SAMD4A: variants seen among roughly 807,000 people sequenced by gnomAD.
The protein encoded by SAMD4A is sterile alpha motif domain containing 4A.
Under a neutral mutation model 81.3 loss-of-function variants are expected in SAMD4A, and 33 were observed. The observed-to-expected ratio is 0.41, with a 90% CI of 0.31 to 0.54. The LOEUF (loss-of-function observed/expected upper bound fraction) is 0.54. Among genes scored for constraint, SAMD4A ranks in the 20% least tolerant of loss-of-function variants. The pLI is 0.37. For missense variants in SAMD4A, 854 were observed against 951.1 expected (o/e 0.90, Z 1.34); for synonymous variants, 389 against 382.1 (o/e 1.02, Z -0.21).
In SAMD4A at chr14:54,719,373, C is replaced by T. The variant is rs185743225; in HGVS notation, c.715+16793C>T. Among the ~76,000 whole-genome samples, 60 of 152,286 alleles carry T rather than the reference C, an allele frequency of 3.9e-4. No individual in the cohort carries two copies. In the East Asian group the frequency reaches 9.9e-3, roughly 25 times the overall value. On this transcript the variant is annotated intron_variant, in intron 3 of 12. Coordinates refer to ENST00000554335, the MANE Select transcript of SAMD4A (RefSeq NM_015589.6). ...CTTCCTTTGGTGCTGGAGAAGTTTG[C>T]TTTTCTTCAAGTCCTATCATTCAAA...
chr14:54,762,176 G>A (rs1380125610), intron 7 of SAMD4A, among the ~76,000 whole-genome samples: 1 of 152,084 alleles, frequency 6.6e-6, no homozygotes, highest in African/African-American at 2.4e-5. Context: ...CCTTTTCTGG[G>A]GCAGACCCTT....
intron 2 of SAMD4A, chr14:54,687,389 T>C (rs1158748912): frequency 2.2e-6 from 1 of 456,390 alleles, no homozygotes; most frequent in Non-Finnish European, 4.4e-6. Context: ...CCTTGAAGAA[T>C]CAAAGTTGGC....
chr14:54,720,552 C>T (rs2037234853), intron 3 of SAMD4A, among the ~76,000 whole-genome samples: 1 of 152,032 alleles, frequency 6.6e-6, no homozygotes, highest in African/African-American at 2.4e-5. Context: ...ATTAAAGAAA[C>T]CCATTACCAG....
intron 2 of SAMD4A, among the ~76,000 whole-genome samples, chr14:54,615,518 A>G (rs952973761): frequency 1.3e-5 from 2 of 152,230 alleles, no homozygotes; most frequent in Non-Finnish European, 2.9e-5. Flanking sequence ...CACTGTAAGT[A>G]CTATGTTTCA....
intron 2 of SAMD4A, among the ~76,000 whole-genome samples, chr14:54,573,342 GA>G: frequency 6.6e-6 from 1 of 152,286 alleles, no homozygotes; most frequent in Admixed American, 6.5e-5. Flanking sequence ...CAGTCAAATT[GA>G]CTTGTTTTTG....
At position 54,672,020 on chromosome 14, in the gene SAMD4A, G is replaced by GT. The variant is rs56900347; in HGVS notation, c.197-30023dup. Among the ~76,000 whole-genome samples, 489 of 125,034 alleles carry GT rather than the reference G, an allele frequency of 3.9e-3. 5 individuals carry two copies. Among genetic ancestry groups the GT allele is most frequent in the East Asian group, 9.2e-3 (40 of 4,342 alleles). 82.0% of individuals were successfully genotyped at this position (125,034 alleles called of 152,430 possible). ...TACTGCTTCCTTTTCTGTTTATAGTGTTTTTTTTTTTTTTTTTTTCTTCAG... is the reference window on the plus strand; with the variant it reads ...TACTGCTTCCTTTTCTGTTTATAGTGTTTTTTTTTTTTTTTTTTTTCTTCAG... On this transcript the variant is annotated intron_variant, in intron 2 of 12. Transcript: ENST00000554335.
At chr14:54,590,053 T>C (rs1353652340) in intron 2 of SAMD4A, among the ~76,000 whole-genome samples, 1 of 152,262 alleles carries the variant, frequency 6.6e-6, no homozygotes, top group East Asian at 1.9e-4. Context: ...GACTGCTTTT[T>C]CTCTAGCATA....
At chr14:54,726,756 G>A (rs1434125001) in intron 3 of SAMD4A, among the ~76,000 whole-genome samples, 1 of 152,072 alleles carries the variant, frequency 6.6e-6, no homozygotes, top group Non-Finnish European at 1.5e-5. Context: ...ATGGGACCTG[G>A]GCATCGGGGT....
At position 54,760,248 on chromosome 14, in the gene SAMD4A, A is replaced by G. The variant is rs1353330544; in HGVS notation, c.1264A>G (p.Ser422Gly). 5.0e-6 allele frequency: 8 copies of G among 1,613,020 alleles called. No homozygotes were observed. In the South Asian group the frequency reaches 7.7e-5, roughly 16 times the overall value. Residue 422 changes from serine (S) to glycine (G), a missense_variant, in exon 7 of 13, where the codon AGC becomes GGC. By Grantham distance (56) the Ser-to-Gly change is moderately conservative. This residue lies in a region of SAMD4A where 428 missense variants were observed against 471.2 expected (regional missense o/e 0.91). Coordinates refer to ENST00000554335, the MANE Select transcript of SAMD4A (RefSeq NM_015589.6). ...TCCGATCAAGGCCTACAGCTCCCCGAGCACCACCCCCGAGGCTCGCCGCCG... is the reference window on the plus strand; with the variant it reads ...TCCGATCAAGGCCTACAGCTCCCCGGGCACCACCCCCGAGGCTCGCCGCCG... ...LTPIKAYSSP[S>G]TTPEARRREP...
At chr14:54,706,553 C>T (rs1230931350) in intron 3 of SAMD4A, among the ~76,000 whole-genome samples, 4 of 143,190 alleles carry the variant, frequency 2.8e-5, no homozygotes, top group Admixed American at 1.4e-4. Flanking sequence ...TGTAGTGAGC[C>T]GAGGTGGTGC....
intron 9 of SAMD4A, among the ~76,000 whole-genome samples, chr14:54,772,064 AT>A (rs1390524067): frequency 6.6e-6 from 1 of 152,244 alleles, no homozygotes; most frequent in East Asian, 1.9e-4. Context: ...TTTTATACTC[AT>A]AAGTATTTCC....
chr14:54,750,157 C>T (rs905717749), intron 5 of SAMD4A, among the ~76,000 whole-genome samples: 3 of 152,048 alleles, frequency 2.0e-5, no homozygotes, highest in Admixed American at 6.6e-5. Context: ...ATCAGTTGTT[C>T]GACTTGAGGA....
intron 9 of SAMD4A, 76 bp from the exon 10 acceptor site, chr14:54,774,858 T>C: frequency 9.3e-7 from 1 of 1,070,128 alleles, no homozygotes; most frequent in Non-Finnish European, 1.4e-6. Context: ...CAAGGCGACA[T>C]CCCTTGGGAA....
At chr14:54,740,092 C>G (rs2037808196) in intron 4 of SAMD4A, among the ~76,000 whole-genome samples, 2 of 152,190 alleles carry the variant, frequency 1.3e-5, no homozygotes, top group South Asian at 4.1e-4. Context: ...ATCACTTGAA[C>G]CCAGGAGATA....
chr14:54,759,218 G>A (rs2038326033), intron 6 of SAMD4A, among the ~76,000 whole-genome samples: 1 of 152,120 alleles, frequency 6.6e-6, no homozygotes, highest in Non-Finnish European at 1.5e-5. Flanking sequence ...TCACTCCCTT[G>A]CTCAAAACCT....
At chr14:54,658,869 G>A (rs1232470736) in intron 2 of SAMD4A, among the ~76,000 whole-genome samples, 5 of 152,164 alleles carry the variant, frequency 3.3e-5, no homozygotes, top group Non-Finnish European at 7.3e-5. Flanking sequence ...CTGAGGATTC[G>A]AGCATGCCCG....
In SAMD4A at chr14:54,760,383, G is replaced by A; in HGVS notation, c.1399G>A (p.Ala467Thr). The A allele has an allele frequency of 6.6e-7, 1 of 1,509,584 alleles. No homozygotes were observed. The allele number at this position is 1,509,584 out of a possible 1,614,324, so 93.5% of individuals were successfully genotyped here. A position where few individuals can be genotyped will look rare whatever the true frequency, so the allele number is the denominator to read the frequency against. Reference sequence around the variant, plus strand: ...CGCCACGGCCACCCCCTCGGCCGGGGCCAGCGGGGGGCTCCAGCCGCACCA... The same window carrying A: ...CGCCACGGCCACCCCCTCGGCCGGGACCAGCGGGGGGCTCCAGCCGCACCA... ...TGATATPSAG[A>T]SGGLQPHQLS... Residue 467 changes from alanine (A) to threonine (T), a missense_variant, in exon 7 of 13, where the codon GCC (alanine) becomes ACC (threonine). Physicochemically the swap from Ala to Thr is moderately conservative, Grantham distance 58 (BLOSUM62 0). Coordinates refer to ENST00000554335, the MANE Select transcript of SAMD4A (RefSeq NM_015589.6).
intron 2 of SAMD4A, among the ~76,000 whole-genome samples, chr14:54,691,575 A>C (rs2036442550): frequency 7.5e-6 from 1 of 132,950 alleles, no homozygotes; most frequent in Non-Finnish European, 1.6e-5. Flanking sequence ...AAAAAAAAAA[A>C]TCTGAAAAAT....
chr14:54,621,429 G>C (rs1205921654), intron 2 of SAMD4A, among the ~76,000 whole-genome samples: 1 of 151,982 alleles, frequency 6.6e-6, no homozygotes, highest in Non-Finnish European at 1.5e-5. Context: ...AGCTCACTGC[G>C]ACCTCCATCC....
Sources: allele counts gnomAD v4.1 joint callset (sites outside exome capture counted in the v4.1 genomes callset), GRCh38; gene constraint gnomAD v4.1.1; regional missense constraint gnomAD v4.1.1; transcripts MANE v1.5; gene names NCBI Gene and HGNC (gene_info 2026-07-23, HGNC 2026-07-21).